Variants in ALK observed in about 807,000 individuals in gnomAD.
The protein encoded by ALK is ALK tyrosine kinase receptor.
In ALK, 74 loss-of-function variants were observed where a neutral mutation model predicts 163.1. The ratio of observed to expected loss-of-function variants is 0.45; its 90% CI spans 0.38 to 0.55. The LOEUF is 0.55. Ranked by LOEUF, ALK falls within the 20% of genes least tolerant of loss-of-function variation. ALK has a pLI of 0.00. For synonymous variants in ALK, 960 were observed against 843.2 expected (o/e 1.14, Z -2.40); for missense variants, 2,063 against 2,105.3 (o/e 0.98, Z 0.39).
At chr2:29,208,041 G>A in intron 25 of ALK, 1 of 454,184 alleles carries the variant, frequency 2.2e-6, no homozygotes, top group South Asian at 1.6e-5. Context: ...TATGTATCAG[G>A]TACTCTGCCA....
intron 3 of ALK, among the ~76,000 whole-genome samples, chr2:29,609,719 C>T (rs1675637761): frequency 6.6e-6 from 1 of 151,624 alleles, no homozygotes. Flanking sequence ...TAACAGCTCA[C>T]TATAGCTTTG....
chr2:29,479,049 A>T (rs560500095), intron 4 of ALK, among the ~76,000 whole-genome samples: 1 of 152,212 alleles, frequency 6.6e-6, no homozygotes, highest in Non-Finnish European at 1.5e-5. Context: ...CTAGACTGGT[A>T]TGAAAGAAAG....
At chr2:29,628,379 A>G (rs1194785248) in intron 3 of ALK, among the ~76,000 whole-genome samples, 1 of 152,168 alleles carries the variant, frequency 6.6e-6, no homozygotes, top group African/African-American at 2.4e-5. Flanking sequence ...CTATATAGCT[A>G]ATTTTCACTC....
At position 29,391,251 on chromosome 2, in the gene ALK, C is replaced by T. The variant is rs190575191; in HGVS notation, c.1155-7392G>A. Among the ~76,000 whole-genome samples, 29 of 145,660 alleles carry T rather than the reference C, an allele frequency of 2.0e-4. No homozygotes were observed. In the East Asian group the frequency reaches 3.7e-3, roughly 19 times the overall value. On this transcript the variant is annotated intron_variant, in intron 4 of 28. Transcript: ENST00000389048. ...TTTCCTTAATTATTTTCTCATGTTT[C>T]GGAACAAAGACAACATAAATGGTCC... is the stretch of plus-strand genomic sequence containing the variant.
In ALK at chr2:29,334,249, C is replaced by T. The variant is rs542868941; in HGVS notation, c.1283-5768G>A. ...GGCTTGTATGCCTGACTTCCTCATC[C>T]AGCTGCAAGTGACTTGAAGGGGGAG... On this transcript the variant is annotated intron_variant, in intron 5 of 28. Coordinates refer to ENST00000389048, the MANE Select transcript of ALK (RefSeq NM_004304.5). Among the ~76,000 whole-genome samples the T allele has an allele frequency of 3.3e-4, 50 of 152,304 alleles. 1 individual carries two copies. The South Asian group carries it at 0.01, about 32-fold the overall frequency.
At chr2:29,552,858 C>A (rs1170680488) in intron 3 of ALK, among the ~76,000 whole-genome samples, 3 of 152,148 alleles carry the variant, frequency 2.0e-5, no homozygotes, top group East Asian at 1.9e-4. Context: ...GCATGGGCTG[C>A]CTGGGCTCCC....
chr2:29,724,456 C>T (rs892658895), intron 1 of ALK, among the ~76,000 whole-genome samples: 1 of 152,052 alleles, frequency 6.6e-6, no homozygotes, highest in Non-Finnish European at 1.5e-5. Flanking sequence ...GACTGGCAGC[C>T]CAGGGGAAAT....
At chr2:29,584,548 AT>A (rs1674825962) in intron 3 of ALK, among the ~76,000 whole-genome samples, 1 of 152,194 alleles carries the variant, frequency 6.6e-6, no homozygotes, top group African/African-American at 2.4e-5. Flanking sequence ...TATCCAAAAA[AT>A]AGGACTATTC....
chr2:29,321,762 G>A (rs1485208462), intron 6 of ALK, among the ~76,000 whole-genome samples: 1 of 152,168 alleles, frequency 6.6e-6, no homozygotes, highest in Non-Finnish European at 1.5e-5. Flanking sequence ...TGAGATATGG[G>A]GTTTATTACT....
chr2:29,364,063 T>A (rs1039256992), intron 5 of ALK, among the ~76,000 whole-genome samples: 1 of 152,118 alleles, frequency 6.6e-6, no homozygotes, highest in Non-Finnish European at 1.5e-5. Flanking sequence ...TAAACACAGA[T>A]TCAAAATGGG....
In ALK at chr2:29,284,917, A is replaced by C. The variant is rs1665813020; in HGVS notation, c.1818-9421T>G. On this transcript the variant is annotated intron_variant, in intron 9 of 28. Transcript: ENST00000389048. ...CTCACGTACAGCTCAGAAAATGCACAATCTCGTTCAGGCAACAGGCTGTCG... is the reference window on the plus strand; with the variant it reads ...CTCACGTACAGCTCAGAAAATGCACCATCTCGTTCAGGCAACAGGCTGTCG... Among the ~76,000 whole-genome samples, 5 of 152,214 alleles carry C rather than the reference A, an allele frequency of 3.3e-5. No homozygotes were observed. In the South Asian group the frequency reaches 1.0e-3, roughly 32 times the overall value.
intron 4 of ALK, among the ~76,000 whole-genome samples, chr2:29,502,441 G>A (rs971911472): frequency 2.0e-4 from 31 of 152,174 alleles, no homozygotes; most frequent in Admixed American, 2.0e-3. Flanking sequence ...CCCAGAGAGT[G>A]TTTGCAGTAG....
Position 29,227,544 on chromosome 2 carries a change from G to T in ALK, c.2914+30C>A, listed in dbSNP as rs373972539. ...TTGGTGGGAGGACTGACCTAAGCAA[G>T]TTTGTTCTGCTGCCTGGCAGAGAAG... On this transcript the variant is annotated intron_variant, in intron 17 of 28. Coordinates refer to ENST00000389048, the MANE Select transcript of ALK (RefSeq NM_004304.5). The surrounding 1 kb of genome is among the most constrained non-coding windows in gnomAD (Gnocchi z 4.4). 1.3e-6 allele frequency: 2 copies of T among 1,583,776 alleles called. No homozygotes were observed. Among genetic ancestry groups the T allele is most frequent in the Non-Finnish European group, 1.7e-6 (2 of 1,152,296 alleles).
Position 29,288,966 on chromosome 2 carries a change from ATAAATAAAT to A in ALK, c.1817+7913_1817+7921del, listed in dbSNP as rs1665941316. On this transcript the variant is annotated intron_variant, in intron 9 of 28. Transcript: ENST00000389048. ...GACTCCTTCTCAAAAAAATAAATAA[ATAAATAAAT>A]AAATAAATAAATAAATAAATAAATA... Among the ~76,000 whole-genome samples the A allele has an allele frequency of 9.1e-5, 11 of 120,328 alleles. No individual in the cohort carries two copies. In the East Asian group the frequency reaches 1.2e-3, roughly 13 times the overall value. The allele number at this position is 120,328 out of a possible 152,430, so 78.9% of individuals were successfully genotyped here.
chr2:29,327,567 G>C (rs1667305708), intron 6 of ALK, among the ~76,000 whole-genome samples: 1 of 152,148 alleles, frequency 6.6e-6, no homozygotes, highest in Non-Finnish European at 1.5e-5. Flanking sequence ...CAGGGGGTTT[G>C]GAGCAAAATG....
chr2:29,801,623 A>T (rs191232605), intron 1 of ALK, among the ~76,000 whole-genome samples: 3 of 152,166 alleles, frequency 2.0e-5, no homozygotes, highest in East Asian at 3.9e-4. Context: ...TTTTCACTTA[A>T]CTTTTTTTCA....
intron 4 of ALK, among the ~76,000 whole-genome samples, chr2:29,500,986 G>T (rs1672160602): frequency 6.6e-6 from 1 of 152,238 alleles, no homozygotes; most frequent in African/African-American, 2.4e-5. Context: ...CTTGCTTCCT[G>T]CATTGCTGAG....
intron 2 of ALK, among the ~76,000 whole-genome samples, chr2:29,714,909 GCT>G (rs983655579): frequency 6.6e-6 from 1 of 152,162 alleles, no homozygotes; most frequent in African/African-American, 2.4e-5. Context: ...CTTGGCCTTA[GCT>G]CTGTCTTTAG....
At chr2:29,341,435 G>A (rs1386953692) in intron 5 of ALK, among the ~76,000 whole-genome samples, 3 of 152,196 alleles carry the variant, frequency 2.0e-5, no homozygotes, top group South Asian at 2.1e-4. Flanking sequence ...AGTGAGTAGC[G>A]AGAGGCTGGG....
Sources: gnomAD v4.1 joint callset for allele counts (sites outside exome capture counted in the v4.1 genomes callset) on GRCh38, gnomAD v4.1.1 for gene constraint, Gnocchi (gnomAD v3.1) non-coding constraint, MANE v1.5 for transcripts, NCBI Gene and HGNC (gene_info 2026-07-23, HGNC 2026-07-21) for gene names.